The following CHAF1A variants were observed in gnomAD, a reference collection of about 807,000 sequenced individuals.
CHAF1A encodes chromatin assembly factor 1 subunit A, also known as CAF-1 subunit A.
A neutral mutation model predicts 93.2 loss-of-function variants in CHAF1A; 5 were observed. The ratio of observed to expected loss-of-function variants is 0.05; its 90% CI spans 0.03 to 0.11. The LOEUF (loss-of-function observed/expected upper bound fraction) is 0.11, where lower values mean the gene tolerates loss of function less well. Among genes scored for constraint, CHAF1A ranks in the 10% least tolerant of loss-of-function variants. The probability of loss-of-function intolerance (pLI) is 1.00; values close to 1 mark genes in which losing one functional copy is unlikely to be tolerated. For synonymous variants in CHAF1A, 504 were observed against 510.3 expected (o/e 0.99, Z 0.17); for missense variants, 1,102 against 1,259.9 (o/e 0.87, Z 1.90).
At chr19:4,445,598 G>A (rs1974492612), downstream of CHAF1A, 3 of 1,613,630 alleles carry the variant, frequency 1.9e-6, no homozygotes, top group Admixed American at 1.7e-5. Flanking sequence ...CATGTCCCAC[G>A]AGAAGGTCAG....
chr19:4,439,584 G>A (rs993912073), intron 13 of CHAF1A, among the ~76,000 whole-genome samples: 8 of 152,240 alleles, frequency 5.3e-5, no homozygotes, highest in Non-Finnish European at 1.0e-4. Context: ...CGCGTCTCCT[G>A]TGTGGAGGGA....
At chr19:4,423,974 A>G in intron 7 of CHAF1A, 100 bp downstream of exon 7, 1 of 1,135,356 alleles carries the variant, frequency 8.8e-7, no homozygotes, top group South Asian at 1.3e-5. Context: ...TCTCATTAGG[A>G]GGGAGGGAGC....
downstream of CHAF1A, chr19:4,448,091 C>A (rs561468162): frequency 5.5e-4 from 320 of 584,980 alleles, 2 homozygotes; most frequent in African/African-American, 5.0e-3. Context: ...GGTGGGAAAC[C>A]CCTGATTCCT....
chr19:4,404,099 G>C (rs528411066), intron 1 of CHAF1A, among the ~76,000 whole-genome samples: 194 of 152,196 alleles, frequency 1.3e-3, no homozygotes, highest in Non-Finnish European at 2.6e-3. Context: ...GGGATTACAG[G>C]CATGAGCCAC....
At chr19:4,408,061 T>G (rs1413903899) in intron 2 of CHAF1A, among the ~76,000 whole-genome samples, 1 of 148,382 alleles carries the variant, frequency 6.7e-6, no homozygotes, top group East Asian at 2.1e-4. Flanking sequence ...GGCTGCAGAG[T>G]AGTTGCACCA....
downstream of CHAF1A, chr19:4,447,139 A>G (rs1283677225): frequency 1.7e-6 from 1 of 600,434 alleles, no homozygotes; most frequent in Non-Finnish European, 3.0e-6. Flanking sequence ...AAGAGTCACA[A>G]CCAGGCACGA....
downstream of CHAF1A, chr19:4,446,088 C>G: frequency 1.2e-6 from 2 of 1,612,780 alleles, no homozygotes; most frequent in Non-Finnish European, 8.5e-7. Flanking sequence ...CGTCCTCGGA[C>G]AGCTTCTGCC....
intron 11 of CHAF1A, 139 bp downstream of exon 11, chr19:4,430,780 C>T: frequency 1.2e-6 from 1 of 834,416 alleles, no homozygotes; most frequent in Non-Finnish European, 1.9e-6. Context: ...CACGCAAGCT[C>T]ACTCGTGGGA....
intron 13 of CHAF1A, among the ~76,000 whole-genome samples, chr19:4,439,596 G>T (rs1974349455): frequency 6.6e-6 from 1 of 152,152 alleles, no homozygotes; most frequent in African/African-American, 2.4e-5. Context: ...GTGGAGGGAG[G>T]GCCCAGTGAC....
intron 13 of CHAF1A, among the ~76,000 whole-genome samples, chr19:4,438,600 G>A (rs1176151455): frequency 6.6e-6 from 1 of 152,140 alleles, no homozygotes; most frequent in African/African-American, 2.4e-5. Context: ...TCAACTCTTC[G>A]GGCCTCCGTT....
intron 6 of CHAF1A, 89 bp from the exon 7 acceptor site, chr19:4,423,717 C>A: frequency 7.7e-7 from 1 of 1,294,790 alleles, no homozygotes; most frequent in Non-Finnish European, 1.1e-6. Flanking sequence ...AAATGCTTGA[C>A]GTTCGGTTCT....
downstream of CHAF1A, chr19:4,446,479 C>T (rs1383637028): frequency 6.3e-7 from 1 of 1,597,862 alleles, no homozygotes; most frequent in African/African-American, 1.3e-5. Context: ...CCCCACTCTG[C>T]TCCGCGGACG....
downstream of CHAF1A, chr19:4,445,312 GC>G: frequency 1.0e-6 from 1 of 994,442 alleles, no homozygotes; most frequent in East Asian, 2.5e-5. Context: ...CATCCCCACA[GC>G]CCCCAAGGGA....
At chr19:4,429,009 T>TC (rs1481030853) in intron 8 of CHAF1A, 119 bp downstream of exon 8, 2 of 793,602 alleles carry the variant, frequency 2.5e-6, no homozygotes, top group African/African-American at 3.5e-5. Context: ...CCTAGTGCCC[T>TC]CGGGCCCTGG....
intron 13 of CHAF1A, among the ~76,000 whole-genome samples, chr19:4,434,771 C>T (rs1205591753): frequency 2.0e-5 from 3 of 152,064 alleles, no homozygotes; most frequent in Non-Finnish European, 4.4e-5. Context: ...TTACTGTGCT[C>T]CAGGCACTCT....
Position 4,432,013 on chromosome 19 carries a change from A to C in CHAF1A, c.2009A>C (p.Glu670Ala). 6.2e-7 allele frequency: 1 copy of C among 1,614,148 alleles called. No homozygotes were observed. The highest frequency in any genetic ancestry group is 8.5e-7 in the Non-Finnish European group (1 of 1,180,010). The change falls in exon 12 of 15, where the codon GAG becomes GCG. Residue 670 changes from glutamate to alanine, a missense_variant. By Grantham distance (107) the Glu-to-Ala change is moderately radical. Transcript: ENST00000301280. ...RQKLKAKEWDEFLAKGKRFRV... is the reference protein window; with the variant it reads ...RQKLKAKEWDAFLAKGKRFRV... Reference sequence around the variant, plus strand: ...AAACTGAAGGCCAAGGAGTGGGACGAGTTCCTGGCTAAGGGGAAGCGCTTT... The same window carrying C: ...AAACTGAAGGCCAAGGAGTGGGACGCGTTCCTGGCTAAGGGGAAGCGCTTT...
In CHAF1A at chr19:4,430,644, G is replaced by A. The variant is rs756569797; in HGVS notation, c.1947+3G>A. 2.5e-6 allele frequency: 4 copies of A among 1,613,716 alleles called. No individual in the cohort carries two copies. Among genetic ancestry groups the A allele is most frequent in the South Asian group, 1.1e-5 (1 of 91,066 alleles). ...CTGAGGACGAAGGTGTGACAGAGGTGAGGGAGTGAAGGGGGAGGTCACCGG... is the reference window on the plus strand; with the variant it reads ...CTGAGGACGAAGGTGTGACAGAGGTAAGGGAGTGAAGGGGGAGGTCACCGG... On this transcript the variant is annotated splice_donor_region_variant and intron_variant, in intron 11 of 14. Coordinates refer to ENST00000301280, the MANE Select transcript of CHAF1A (RefSeq NM_005483.3).
chr19:4,413,154 C>T (rs545164331), intron 3 of CHAF1A, among the ~76,000 whole-genome samples: 215 of 152,218 alleles, frequency 1.4e-3, no homozygotes, highest in South Asian at 6.2e-3. Flanking sequence ...CTCCTGCAAC[C>T]GCTGCCTCCT....
At chr19:4,404,135 T>A (rs750482914) in intron 1 of CHAF1A, among the ~76,000 whole-genome samples, 1 of 148,580 alleles carries the variant, frequency 6.7e-6, no homozygotes, top group Admixed American at 6.7e-5. Context: ...TATTTAACTT[T>A]AAAAAAAAAA....
Sources: allele counts gnomAD v4.1 joint callset (sites outside exome capture counted in the v4.1 genomes callset), GRCh38; gene constraint gnomAD v4.1.1; transcripts MANE v1.5; gene names NCBI Gene and HGNC (gene_info 2026-07-23, HGNC 2026-07-21).